CACNA1C: variants seen among roughly 807,000 people sequenced by gnomAD.
CACNA1C encodes voltage-dependent L-type calcium channel subunit alpha-1C.
Under a neutral mutation model 229.0 loss-of-function variants are expected in CACNA1C, and 30 were observed. The observed-to-expected ratio is 0.13, with a 90% CI of 0.10 to 0.18. The LOEUF is 0.18. CACNA1C is among the 10% of genes least tolerant of loss of function. CACNA1C has a pLI of 1.00. For missense variants in CACNA1C, 1,658 were observed against 2,845.0 expected (o/e 0.58, Z 9.49); for synonymous variants, 1,114 against 1,132.5 (o/e 0.98, Z 0.33).
chr12:2,386,593 G>T (rs1195323664), intron 3 of CACNA1C, among the ~76,000 whole-genome samples: 2 of 152,148 alleles, frequency 1.3e-5, no homozygotes, highest in East Asian at 3.9e-4. Flanking sequence ...TCAGTACTTT[G>T]TCCTGTGTGA....
chr12:2,597,265 T>A lies in CACNA1C; in HGVS notation c.2829T>A (p.Ile943=). The stretch of plus-strand genomic sequence containing the variant: ...ATTTTGATATTGTTTTTACCACCAT[T>A]TTCACCATTGAAATTGCTCTGAAGG... ...LFYFDIVFTT[I]FTIEIALKMT... is the part of the protein sequence containing the mutation. Residue 943 remains isoleucine (I), a synonymous_variant, in exon 21 of 47, where the codon ATT becomes ATA. Coordinates refer to ENST00000399655, the MANE Select transcript of CACNA1C (RefSeq NM_000719.7). The surrounding 1 kb of genome is among the most constrained non-coding windows in gnomAD (Gnocchi z 4.3). 1 of 1,612,748 alleles carries A rather than the reference T, an allele frequency of 6.2e-7. No individual in the cohort carries two copies. Among genetic ancestry groups the A allele is most frequent in the Non-Finnish European group, 8.5e-7 (1 of 1,178,824 alleles).
chr12:2,081,970 A>C (rs2065813121), intron 1 of CACNA1C, among the ~76,000 whole-genome samples: 1 of 152,114 alleles, frequency 6.6e-6, no homozygotes, highest in South Asian at 2.1e-4. Flanking sequence ...ATGTTATTCC[A>C]TTTAATCTCA....
rs1025905375 is a variant in CACNA1C at position 2,285,653 on chromosome 12, G to A, written c.478-163323G>A. Among the ~76,000 whole-genome samples, 1 of 152,134 alleles carries A rather than the reference G, an allele frequency of 6.6e-6. No individual in the cohort carries two copies. The highest frequency in any genetic ancestry group is 6.5e-5 in the Admixed American group (1 of 15,284). On this transcript the variant is annotated intron_variant, in intron 3 of 46. Coordinates refer to ENST00000399655, the MANE Select transcript of CACNA1C (RefSeq NM_000719.7). The surrounding 1 kb of genome is among the most constrained non-coding windows in gnomAD (Gnocchi z 4.2). ...AGAGTGATGGACGAGACTTACTTTC[G>A]ACGTTCCTAGGCTCCCTTCCACCGT...
chr12:2,429,336 C>T (rs1333623796), intron 3 of CACNA1C, among the ~76,000 whole-genome samples: 1 of 152,098 alleles, frequency 6.6e-6, no homozygotes, highest in Admixed American at 6.5e-5. Context: ...CAACCCAGTG[C>T]CAGCCTGGAT....
chr12:2,322,303 G>A (rs1030522190), intron 3 of CACNA1C, among the ~76,000 whole-genome samples: 1 of 152,198 alleles, frequency 6.6e-6, no homozygotes, highest in African/African-American at 2.4e-5. Flanking sequence ...AATGAATGTA[G>A]TAAAGCTTTT....
At chr12:2,284,983 G>A (rs549225421) in intron 3 of CACNA1C, among the ~76,000 whole-genome samples, 3 of 152,284 alleles carry the variant, frequency 2.0e-5, no homozygotes, top group South Asian at 2.1e-4. Context: ...TCTGGTGGGC[G>A]ATGCCCTTCA....
intron 1 of CACNA1C, among the ~76,000 whole-genome samples, chr12:2,073,583 A>C (rs1179688037): frequency 6.6e-6 from 1 of 152,246 alleles, no homozygotes; most frequent in Non-Finnish European, 1.5e-5. Context: ...AAAGCCCCAC[A>C]GGAGCAGAGC....
chr12:2,261,662 ACAG>A (rs2080270707), intron 3 of CACNA1C, among the ~76,000 whole-genome samples: 1 of 152,346 alleles, frequency 6.6e-6, no homozygotes, highest in South Asian at 2.1e-4. Flanking sequence ...ATTATTACAA[ACAG>A]CACTATTTAC....
intron 3 of CACNA1C, among the ~76,000 whole-genome samples, chr12:2,123,993 GTCA>G (rs1162660306): frequency 6.6e-6 from 1 of 152,030 alleles, no homozygotes; most frequent in Non-Finnish European, 1.5e-5. Context: ...TGTTATTATT[GTCA>G]TCATCATCAT....
At chr12:2,485,523 A>G (rs937238295) in intron 5 of CACNA1C, among the ~76,000 whole-genome samples, 4 of 152,152 alleles carry the variant, frequency 2.6e-5, no homozygotes, top group East Asian at 3.8e-4. Context: ...CTTTTTTACC[A>G]GAGGGATCTG....
intron 1 of CACNA1C, among the ~76,000 whole-genome samples, chr12:2,003,043 T>G (rs767701130): frequency 6.6e-6 from 1 of 152,340 alleles, no homozygotes; most frequent in South Asian, 2.1e-4. Flanking sequence ...TGTTCTCCTT[T>G]TGTGTTTGGC....
At chr12:2,568,821 G>A (rs925331606) in intron 13 of CACNA1C, among the ~76,000 whole-genome samples, 1 of 151,912 alleles carries the variant, frequency 6.6e-6, no homozygotes, top group Non-Finnish European at 1.5e-5. Context: ...GGATGGTGGT[G>A]GTTTCACAAC....
At chr12:2,515,570 G>A (rs1432522137) in intron 9 of CACNA1C, among the ~76,000 whole-genome samples, 1 of 152,208 alleles carries the variant, frequency 6.6e-6, no homozygotes, top group Admixed American at 6.5e-5. Flanking sequence ...CATCTTTTAA[G>A]AGAAAAGGCC....
At chr12:2,222,223 G>A (rs1221217957) in intron 3 of CACNA1C, 2 of 152,194 alleles carry the variant, frequency 1.3e-5, no homozygotes, top group Non-Finnish European at 2.9e-5. Flanking sequence ...AAACTGAAAA[G>A]TGAATAAATC....
intron 1 of CACNA1C, among the ~76,000 whole-genome samples, chr12:2,024,202 C>T (rs1359473116): frequency 1.3e-5 from 2 of 152,142 alleles, no homozygotes; most frequent in East Asian, 1.9e-4. Context: ...TACAGGAAAA[C>T]CTGAGGCTCA....
chr12:2,453,626 T>C (rs1456330400), intron 4 of CACNA1C, among the ~76,000 whole-genome samples: 1 of 152,174 alleles, frequency 6.6e-6, no homozygotes, highest in East Asian at 1.9e-4. Context: ...CCTGTTCCCA[T>C]GGGGCTTTGT....
intron 1 of CACNA1C, among the ~76,000 whole-genome samples, chr12:2,033,493 T>C (rs1455839839): frequency 6.6e-6 from 1 of 152,152 alleles, no homozygotes; most frequent in Non-Finnish European, 1.5e-5. Flanking sequence ...GAGCTTCATC[T>C]CCACTCCTCT....
In CACNA1C at chr12:2,649,957, C is replaced by G. The variant is rs772536759; in HGVS notation, c.3945+1450C>G. On this transcript the variant is annotated intron_variant, in intron 31 of 46. Transcript: ENST00000399655. This position sits in a 1 kb window ranked among gnomAD's most constrained non-coding sequence, Gnocchi z 4.4. Reference sequence around the variant, plus strand: ...ATAGAAATACAGAGATTAAGGTCATCAAAGGCTTCAGAACACACAGGCAGG... The same window carrying G: ...ATAGAAATACAGAGATTAAGGTCATGAAAGGCTTCAGAACACACAGGCAGG... Among the ~76,000 whole-genome samples the G allele has an allele frequency of 3.9e-4, 59 of 152,014 alleles. No homozygotes were observed. Among genetic ancestry groups the G allele is most frequent in the Non-Finnish European group, 6.9e-4 (47 of 68,020 alleles).
chr12:1,983,264 A>C (rs982992525), intron 1 of CACNA1C, among the ~76,000 whole-genome samples: 1 of 147,486 alleles, frequency 6.8e-6, no homozygotes, highest in African/African-American at 2.5e-5. Flanking sequence ...TCTTCTTTTT[A>C]TTTCTTTCCT....
Sources: gnomAD v4.1 joint callset for allele counts (sites outside exome capture counted in the v4.1 genomes callset) on GRCh38, gnomAD v4.1.1 for gene constraint, Gnocchi (gnomAD v3.1) non-coding constraint, MANE v1.5 for transcripts, NCBI Gene and HGNC (gene_info 2026-07-23, HGNC 2026-07-21) for gene names.